ITGAV: variants seen among roughly 807,000 people sequenced by gnomAD.
ITGAV encodes integrin subunit alpha V.
Under a neutral mutation model 143.8 loss-of-function variants are expected in ITGAV, and 76 were observed. That is an observed-to-expected ratio of 0.53 (90% CI 0.44 to 0.64). The LOEUF is 0.64. Ranked by LOEUF, ITGAV falls within the 30% of genes least tolerant of loss-of-function variation. The pLI is 0.00. For synonymous variants in ITGAV, 453 were observed against 446.7 expected, an observed-to-expected ratio of 1.01 and a Z score of -0.18; for missense variants, 1,193 against 1,274.7, an observed-to-expected ratio of 0.94 and a Z score of 0.98.
At chr2:186,592,276 AAAAAATAC>A (rs1686634312) in intron 1 of ITGAV, among the ~76,000 whole-genome samples, 1 of 152,102 alleles carries the variant, frequency 6.6e-6, no homozygotes, top group African/African-American at 2.4e-5. Context: ...TGTCACTACA[AAAAAATAC>A]AAAAATTAAC....
rs1203678121 is a variant in ITGAV, at chr2:186,679,329, T to G, written c.*2037T>G. 6.6e-6 allele frequency: 1 copy of G among 151,982 alleles called. No homozygotes were observed. The highest frequency in any genetic ancestry group is 2.4e-5 in the African/African-American group (1 of 41,444). 9.4% of individuals were successfully genotyped at this position (151,982 alleles called of 1,614,324 possible). A position where few individuals can be genotyped will look rare whatever the true frequency, so the allele number is the denominator to read the frequency against. ...TTGAAAGTAATCTTGTATTGGAGAT[T>G]GAAAGATGCTGTAATTTAGAAATTA... On this transcript the variant is annotated 3_prime_UTR_variant, in exon 30 of 30. Coordinates refer to ENST00000261023, the MANE Select transcript of ITGAV (RefSeq NM_002210.5).
Position 186,673,408 on chromosome 2 carries a change from A to T in ITGAV, c.2707-2196A>T, listed in dbSNP as rs887722807. 7.2e-5 allele frequency among the ~76,000 whole-genome samples: 11 copies of T among 152,274 alleles called. No homozygotes were observed. In the East Asian group the frequency reaches 2.1e-3, roughly 29 times the overall value. On this transcript the variant is annotated intron_variant, in intron 26 of 29. Coordinates refer to ENST00000261023, the MANE Select transcript of ITGAV (RefSeq NM_002210.5). ...TTTGGTTAGAGTCCCTTGCGATTCC[A>T]TGTGGATTTTAGGATCAGCTTGTCC...
chr2:186,672,454 T>G (rs1037974431), intron 26 of ITGAV, among the ~76,000 whole-genome samples: 4 of 152,230 alleles, frequency 2.6e-5, no homozygotes, highest in Non-Finnish European at 5.9e-5. Flanking sequence ...AATTGCTAGG[T>G]CATGTGGAAA....
chr2:186,608,127 C>T (rs1687119306), intron 2 of ITGAV, among the ~76,000 whole-genome samples: 1 of 152,142 alleles, frequency 6.6e-6, no homozygotes, highest in Non-Finnish European at 1.5e-5. Context: ...GCTGGGTGGA[C>T]AGTTGTATAG....
chr2:186,601,173 G>C (rs1245764208), intron 1 of ITGAV, among the ~76,000 whole-genome samples: 3 of 152,152 alleles, frequency 2.0e-5, no homozygotes, highest in African/African-American at 7.2e-5. Context: ...AAATTGAATA[G>C]TGGTCCTAAT....
At chr2:186,647,025 C>T in intron 13 of ITGAV, 148 bp downstream of exon 13, 1 of 590,342 alleles carries the variant, frequency 1.7e-6, no homozygotes, top group Non-Finnish European at 2.8e-6. Flanking sequence ...AGGCATCATT[C>T]CCGTCACCTA....
At chr2:186,629,623 G>T (rs1172726368) in intron 4 of ITGAV, among the ~76,000 whole-genome samples, 1 of 151,860 alleles carries the variant, frequency 6.6e-6, no homozygotes, top group Non-Finnish European at 1.5e-5. Flanking sequence ...TAATCTTTGG[G>T]CAGTTTCCAG....
intron 13 of ITGAV, among the ~76,000 whole-genome samples, chr2:186,649,453 T>TAC (rs755063750): frequency 1.4e-4 from 21 of 152,172 alleles, no homozygotes; most frequent in Middle Eastern, 3.4e-3. Flanking sequence ...ATTTTATATA[T>TAC]ATACACACAC....
Position 186,617,618 on chromosome 2 carries a change from T to C in ITGAV, c.317-4721T>C, listed in dbSNP as rs138938578. On this transcript the variant is annotated intron_variant, in intron 2 of 29. Transcript: ENST00000261023. ...TTTTGAAAGTGGTAGCATAGAGCCT[T>C]ATGTTAATTTATATAATACAGAGCA... Among the ~76,000 whole-genome samples, 195 of 152,342 alleles carry C rather than the reference T, an allele frequency of 1.3e-3. 1 individual carries two copies. Among genetic ancestry groups the C allele is most frequent in the African/African-American group, 4.5e-3 (187 of 41,588 alleles).
Position 186,630,784 on chromosome 2 carries a change from CT to C in ITGAV, c.524-8del. 6.7e-7 allele frequency: 1 copy of C among 1,492,928 alleles called. No individual in the cohort carries two copies. The highest frequency in any genetic ancestry group is 9.3e-7 in the Non-Finnish European group (1 of 1,075,266). 92.5% of individuals were successfully genotyped at this position (1,492,928 alleles called of 1,614,324 possible). On this transcript the variant is annotated splice_polypyrimidine_tract_variant and intron_variant, in intron 4 of 29. Coordinates refer to ENST00000261023, the MANE Select transcript of ITGAV (RefSeq NM_002210.5). Reference sequence around the variant, plus strand: ...TTTTGGGTTTGTGTATATTTCCAATCTTTTTATTTTAGAAGATATTGATGCT... The same window carrying C: ...TTTTGGGTTTGTGTATATTTCCAATCTTTTATTTTAGAAGATATTGATGCT...
At chr2:186,656,204 T>A (rs1201657991) in intron 16 of ITGAV, 43 bp from the exon 17 acceptor site, 1 of 1,443,212 alleles carries the variant, frequency 6.9e-7, no homozygotes, top group South Asian at 1.3e-5. Context: ...TAGATAGATG[T>A]CCATAAAGAA....
At chr2:186,673,619 T>A (rs2682870) in intron 26 of ITGAV, among the ~76,000 whole-genome samples, 2,981 of 152,254 alleles carry the variant, frequency 0.02, 109 homozygotes, top group African/African-American at 0.069. Context: ...TCCTTGATTA[T>A]GTGATTTCTG....
chr2:186,624,801 T>C (rs1001789637), intron 3 of ITGAV, among the ~76,000 whole-genome samples: 1 of 152,208 alleles, frequency 6.6e-6, no homozygotes, highest in Non-Finnish European at 1.5e-5. Context: ...TATTTTACTC[T>C]CTTAATAAAC....
intron 18 of ITGAV, among the ~76,000 whole-genome samples, chr2:186,661,877 G>A (rs1210156376): frequency 6.6e-6 from 1 of 152,004 alleles, no homozygotes; most frequent in African/African-American, 2.4e-5. Context: ...TTACAGGCAT[G>A]AGCCACCGTA....
Position 186,678,452 on chromosome 2 carries a change from A to G in ITGAV, c.*1160A>G. The G allele has an allele frequency of 4.9e-6, 1 of 203,908 alleles. No homozygotes were observed. The highest frequency in any genetic ancestry group is 1.0e-5 in the Non-Finnish European group (1 of 100,306). The allele number at this position is 203,908 out of a possible 1,614,324, so 12.6% of individuals were successfully genotyped here. On this transcript the variant is annotated 3_prime_UTR_variant, in exon 30 of 30. Coordinates refer to ENST00000261023, the MANE Select transcript of ITGAV (RefSeq NM_002210.5). Reference sequence around the variant, plus strand: ...TCTAGCAATAGCATGATGTTACAGGAATATTACCTCTGTTTAAGCAAGGTA... The same window carrying G: ...TCTAGCAATAGCATGATGTTACAGGGATATTACCTCTGTTTAAGCAAGGTA...
intron 24 of ITGAV, among the ~76,000 whole-genome samples, chr2:186,668,185 C>CATACATATATATATAT (rs1553505648): frequency 6.3e-4 from 12 of 19,070 alleles, no homozygotes; most frequent in Admixed American, 1.3e-3. Context: ...TACATACATA[C>CATACATATATATATAT]ATATATATAT....
chr2:186,635,830 A>G (rs1323111545), intron 6 of ITGAV, among the ~76,000 whole-genome samples: 1 of 152,172 alleles, frequency 6.6e-6, no homozygotes, highest in Non-Finnish European at 1.5e-5. Flanking sequence ...CTTTCTAGTG[A>G]TTTAAGACAA....
intron 13 of ITGAV, among the ~76,000 whole-genome samples, chr2:186,649,247 T>A (rs957694145): frequency 2.0e-5 from 3 of 152,068 alleles, no homozygotes; most frequent in South Asian, 4.1e-4. Context: ...TTTTAAACTT[T>A]TATGTTATTT....
At chr2:186,625,905 G>A (rs1347297687) in intron 4 of ITGAV, among the ~76,000 whole-genome samples, 2 of 152,096 alleles carry the variant, frequency 1.3e-5, no homozygotes, top group African/African-American at 4.8e-5. Context: ...TCTCTTAACA[G>A]AGAAGATGTA....
Sources: gnomAD v4.1 joint callset for allele counts (sites outside exome capture counted in the v4.1 genomes callset) on GRCh38, gnomAD v4.1.1 for gene constraint, MANE v1.5 for transcripts, NCBI Gene and HGNC (gene_info 2026-07-23, HGNC 2026-07-21) for gene names.